GABRR1: variants seen among roughly 807,000 people sequenced by gnomAD.
GABRR1 encodes the protein gamma-aminobutyric acid type A receptor subunit rho1.
Under a neutral mutation model 55.5 loss-of-function variants are expected in GABRR1, and 59 were observed. The ratio of observed to expected loss-of-function variants is 1.06; its 90% CI spans 0.86 to 1.32. The LOEUF is 1.32. Among genes scored for constraint, GABRR1 ranks in the 40% most tolerant of loss-of-function variants. The pLI is 0.00. For synonymous variants in GABRR1, 213 were observed against 226.0 expected (o/e 0.94, Z 0.51); for missense variants, 602 against 619.1 (o/e 0.97, Z 0.29).
intron 5 of GABRR1, among the ~76,000 whole-genome samples, chr6:89,193,872 C>A (rs1265605325): frequency 6.6e-6 from 1 of 152,194 alleles, no homozygotes; most frequent in South Asian, 2.1e-4. Context: ...ACTGAGATGC[C>A]AGTAGGAGAA....
At chr6:89,210,997 T>C (rs948481948) in intron 1 of GABRR1, among the ~76,000 whole-genome samples, 1 of 151,210 alleles carries the variant, frequency 6.6e-6, no homozygotes, top group Non-Finnish European at 1.5e-5. Context: ...AGAAAAAAAA[T>C]GGGTCAGAGA....
chr6:89,219,602 C>T (rs191570964), upstream of GABRR1, among the ~76,000 whole-genome samples: 1 of 152,300 alleles, frequency 6.6e-6, no homozygotes, highest in Admixed American at 6.5e-5. Flanking sequence ...CCAGCGGGTC[C>T]TCCAGGGATT....
chr6:89,190,069 T>G, intron 6 of GABRR1, 96 bp downstream of exon 6: 1 of 764,206 alleles, frequency 1.3e-6, no homozygotes, highest in Non-Finnish European at 2.0e-6. Context: ...AGTCTACTCA[T>G]GAATAAGGAA....
chr6:89,214,130 C>G (rs1772913840), intron 1 of GABRR1, among the ~76,000 whole-genome samples: 1 of 151,912 alleles, frequency 6.6e-6, no homozygotes, highest in Admixed American at 6.6e-5. Context: ...ACTTCTGGTA[C>G]TATGGTTGAA....
intron 1 of GABRR1, among the ~76,000 whole-genome samples, chr6:89,223,844 A>G (rs914343745): frequency 1.3e-5 from 2 of 148,858 alleles, no homozygotes; most frequent in African/African-American, 2.5e-5. Flanking sequence ...GCTCACTGCA[A>G]CCTCTGCCTC....
In GABRR1 at chr6:89,178,557, T is replaced by C; in HGVS notation, c.*213A>G. The C allele has an allele frequency of 1.7e-6, 1 of 575,580 alleles. No homozygotes were observed. The highest frequency in any genetic ancestry group is 2.9e-5 in the East Asian group (1 of 33,924). 35.7% of individuals were successfully genotyped at this position (575,580 alleles called of 1,614,324 possible). ...GTGTCGTATTTCCTGCAGCACCTAA[T>C]ATAATGCTGTGTATTCAATAGATGG... On this transcript the variant is annotated 3_prime_UTR_variant, in exon 10 of 10. Coordinates refer to ENST00000454853, the MANE Select transcript of GABRR1 (RefSeq NM_002042.5).
intron 5 of GABRR1, among the ~76,000 whole-genome samples, chr6:89,191,631 T>C (rs1582383692): frequency 1.3e-5 from 2 of 151,688 alleles, no homozygotes; most frequent in Non-Finnish European, 2.9e-5. Flanking sequence ...ATTTGTGATG[T>C]AATCAAAGCT....
At chr6:89,222,249 T>C (rs1773125775), upstream of GABRR1, among the ~76,000 whole-genome samples, 1 of 152,202 alleles carries the variant, frequency 6.6e-6, no homozygotes, top group Non-Finnish European at 1.5e-5. Context: ...TAAAATTATA[T>C]CATGATGAAA....
intron 8 of GABRR1, 27 bp downstream of exon 8, chr6:89,181,878 G>T: frequency 6.3e-7 from 1 of 1,575,006 alleles, no homozygotes; most frequent in Non-Finnish European, 8.6e-7. Context: ...GCAGATGCTT[G>T]GAATATGCAC....
chr6:89,196,513 G>A (rs1772275811), intron 5 of GABRR1, among the ~76,000 whole-genome samples: 1 of 152,174 alleles, frequency 6.6e-6, no homozygotes. Context: ...GCTCACACCT[G>A]TAATCCCAGC....
chr6:89,197,631 G>C (rs1195597177), intron 5 of GABRR1, among the ~76,000 whole-genome samples: 1 of 152,238 alleles, frequency 6.6e-6, no homozygotes, highest in Non-Finnish European at 1.5e-5. Flanking sequence ...GAGAAAACAT[G>C]CCTGTGGTGG....
intron 1 of GABRR1, among the ~76,000 whole-genome samples, chr6:89,223,695 C>T (rs1180541669): frequency 6.9e-6 from 1 of 145,180 alleles, no homozygotes; most frequent in Non-Finnish European, 1.5e-5. Context: ...CTTTTCACTG[C>T]ATCCACACCA....
chr6:89,215,577 A>T (rs1007871609), intron 1 of GABRR1, among the ~76,000 whole-genome samples: 1 of 152,226 alleles, frequency 6.6e-6, no homozygotes, highest in Non-Finnish European at 1.5e-5. Context: ...TTTCAGTTAG[A>T]CAGGAGGAAT....
intron 2 of GABRR1, 44 bp from the exon 3 acceptor site, chr6:89,201,309 A>C (rs778258441): frequency 2.5e-5 from 33 of 1,320,308 alleles, no homozygotes; most frequent in Non-Finnish European, 3.5e-5. Context: ...ATTCCAACCA[A>C]GACAAATAAA....
intron 9 of GABRR1, 74 bp downstream of exon 9, chr6:89,180,218 C>CA: frequency 6.6e-7 from 1 of 1,512,224 alleles, no homozygotes; most frequent in Non-Finnish European, 8.9e-7. Flanking sequence ...CAGAGAAGGT[C>CA]TGCCCTGCCT....
chr6:89,210,182 ATTTTTTTTTTT>A (rs60158472), intron 1 of GABRR1, among the ~76,000 whole-genome samples: 14 of 80,180 alleles, frequency 1.7e-4, no homozygotes, highest in African/African-American at 7.0e-4. Flanking sequence ...TTCTGCAGCA[ATTTTTTTTTTT>A]TTTTTTTTTT....
chr6:89,198,526 G>C (rs1215980092), intron 4 of GABRR1, among the ~76,000 whole-genome samples: 1 of 152,072 alleles, frequency 6.6e-6, no homozygotes, highest in Admixed American at 6.5e-5. Context: ...TTGAGGGGCT[G>C]CTACTGCCAC....
rs141114549 is a variant in GABRR1 at position 89,192,525 on chromosome 6, C to T, written c.573-2278G>A. Among the ~76,000 whole-genome samples the T allele has an allele frequency of 5.3e-4, 80 of 151,860 alleles. 1 individual carries two copies. The highest frequency in any genetic ancestry group is 1.9e-3 in the African/African-American group (78 of 41,444). On this transcript the variant is annotated intron_variant, in intron 5 of 9. Coordinates refer to ENST00000454853, the MANE Select transcript of GABRR1 (RefSeq NM_002042.5). ...TTTCACAAATCTTTCCTTTCTCCCG[C>T]TGTCATTGACTCCTCTTCTTCCTCT... is the stretch of plus-strand genomic sequence containing the variant.
chr6:89,228,989 T>G (rs1237650228), intron 1 of GABRR1, among the ~76,000 whole-genome samples: 4 of 150,836 alleles, frequency 2.7e-5, no homozygotes, highest in African/African-American at 9.7e-5. Flanking sequence ...GCTCTTCTTG[T>G]TGAATTGATC....
Sources: allele counts gnomAD v4.1 joint callset (sites outside exome capture counted in the v4.1 genomes callset), GRCh38; gene constraint gnomAD v4.1.1; transcripts MANE v1.5; gene names NCBI Gene and HGNC (gene_info 2026-07-23, HGNC 2026-07-21).